LAMA4: variants seen among roughly 807,000 people sequenced by gnomAD.
The protein encoded by LAMA4 is laminin subunit alpha-4.
In LAMA4, 127 loss-of-function variants were observed where a neutral mutation model predicts 207.1. That is an observed-to-expected ratio of 0.61 (90% confidence interval 0.53 to 0.71). The LOEUF (loss-of-function observed/expected upper bound fraction) is 0.71. Among genes scored for constraint, LAMA4 ranks in the 30% least tolerant of loss-of-function variants. LAMA4 has a pLI of 0.00. For synonymous variants in LAMA4, 761 were observed against 816.0 expected, an observed-to-expected ratio of 0.93 and a Z score of 1.15; for missense variants, 2,093 against 2,246.5, an observed-to-expected ratio of 0.93 and a Z score of 1.38.
At chr6:112,237,370 G>A (rs1786008044) in intron 2 of LAMA4, among the ~76,000 whole-genome samples, 2 of 152,204 alleles carry the variant, frequency 1.3e-5, no homozygotes, top group Non-Finnish European at 2.9e-5. Flanking sequence ...AAGATTTTGA[G>A]TAACATTTTG....
At chr6:112,156,323 A>C (rs1274448458) in intron 14 of LAMA4, among the ~76,000 whole-genome samples, 1 of 152,116 alleles carries the variant, frequency 6.6e-6, no homozygotes, top group Non-Finnish European at 1.5e-5. Context: ...AGTACCCATC[A>C]CACAGGGTAC....
intron 25 of LAMA4, among the ~76,000 whole-genome samples, chr6:112,135,451 A>G (rs1204198194): frequency 2.6e-5 from 4 of 152,204 alleles, no homozygotes; most frequent in African/African-American, 9.7e-5. Flanking sequence ...ATTGTAAACC[A>G]TTCTCATGAG....
At chr6:112,165,360 C>T in intron 12 of LAMA4, 84 bp from the exon 13 acceptor site, 1 of 900,752 alleles carries the variant, frequency 1.1e-6, no homozygotes, top group South Asian at 1.3e-5. Context: ...TCAACTTGCT[C>T]TCTTTGGACT....
chr6:112,121,891 GATAAC>G, intron 32 of LAMA4, 118 bp downstream of exon 32: 2 of 815,252 alleles, frequency 2.5e-6, no homozygotes, highest in East Asian at 2.5e-5. Context: ...TTATTTTGGT[GATAAC>G]ATAATAGGAT....
At chr6:112,169,122 A>C (rs1489295009) in intron 12 of LAMA4, among the ~76,000 whole-genome samples, 1 of 152,174 alleles carries the variant, frequency 6.6e-6, no homozygotes, top group Admixed American at 6.5e-5. Flanking sequence ...GGTTGGTTAC[A>C]TAGTTTCTAT....
At chr6:112,184,706 T>C (rs1464895249) in intron 9 of LAMA4, among the ~76,000 whole-genome samples, 1 of 152,202 alleles carries the variant, frequency 6.6e-6, no homozygotes, top group Non-Finnish European at 1.5e-5. Context: ...CTTGTGGATT[T>C]GAGATTTATA....
Position 112,146,268 on chromosome 6 carries a change from C to T in LAMA4, c.2354-1335G>A, listed in dbSNP as rs915329790. Among the ~76,000 whole-genome samples the T allele has an allele frequency of 1.3e-4, 19 of 150,796 alleles. No individual in the cohort carries two copies. In the South Asian group the frequency reaches 1.9e-3, roughly 15 times the overall value. On this transcript the variant is annotated intron_variant, in intron 18 of 38. Coordinates refer to ENST00000230538, the MANE Select transcript of LAMA4 (RefSeq NM_001105206.3). ...TCGCACCACTGCACTCCAGCCGGGG[C>T]GACAGAGCGAGACTATGTCTCAAAA...
intron 10 of LAMA4, 37 bp downstream of exon 10, chr6:112,178,084 C>T (rs1554344352): frequency 7.1e-7 from 1 of 1,408,304 alleles, no homozygotes; most frequent in South Asian, 1.1e-5. Flanking sequence ...TAAGTGTTTC[C>T]TTGATATTAA....
chr6:112,195,980 A>ATATGT lies in LAMA4; in HGVS notation c.504-4131_504-4130insACATA, dbSNP rs1554350372. On this transcript the variant is annotated intron_variant, in intron 5 of 38. Transcript: ENST00000230538. The stretch of plus-strand genomic sequence containing the variant: ...ACACACACACACTACACACACTGCT[A>ATATGT]TATATATTTGGGGGCAGGTGAAGCT... Among the ~76,000 whole-genome samples, 1,440 of 151,310 alleles carry ATATGT rather than the reference A, an allele frequency of 9.5e-3. 28 individuals are homozygous for ATATGT. Among genetic ancestry groups the ATATGT allele is most frequent in the African/African-American group, 0.033 (1,373 of 41,226 alleles).
At chr6:112,129,839 C>T in intron 30 of LAMA4, 37 bp downstream of exon 30, 1 of 1,433,804 alleles carries the variant, frequency 7.0e-7, no homozygotes. Context: ...TTTTATTTAT[C>T]AATCATGCAG....
At chr6:112,203,817 A>G (rs1388329281) in intron 4 of LAMA4, among the ~76,000 whole-genome samples, 5 of 152,180 alleles carry the variant, frequency 3.3e-5, no homozygotes, top group African/African-American at 1.2e-4. Context: ...TAGGTTTTTC[A>G]ACCTCGAATC....
At chr6:112,199,992 T>C (rs1583870844) in intron 5 of LAMA4, 1 of 450,488 alleles carries the variant, frequency 2.2e-6, no homozygotes, top group East Asian at 6.9e-5. Flanking sequence ...TTTAGCTGCC[T>C]AAACACAATG....
In LAMA4 at chr6:112,172,606, T is replaced by C. The variant is rs1554342189; in HGVS notation, c.1551+5A>G. 1 of 1,612,456 alleles carries C rather than the reference T, an allele frequency of 6.2e-7. No individual in the cohort carries two copies. Among genetic ancestry groups the C allele is most frequent in the African/African-American group, 1.3e-5 (1 of 75,016 alleles). On this transcript the variant is annotated splice_donor_5th_base_variant and intron_variant, in intron 12 of 38. Transcript: ENST00000230538. The stretch of plus-strand genomic sequence containing the variant: ...AAATGCATTGATGGTGAGTGTCCGC[T>C]GTACCTCATGGTCCCGCTGCCTGGC...
chr6:112,211,041 T>C (rs1023769917), intron 3 of LAMA4, among the ~76,000 whole-genome samples: 1 of 152,104 alleles, frequency 6.6e-6, no homozygotes, highest in African/African-American at 2.4e-5. Context: ...TGCAAACTGC[T>C]CTCTGTGTAG....
intron 2 of LAMA4, among the ~76,000 whole-genome samples, chr6:112,224,478 T>C (rs1025267790): frequency 7.2e-5 from 11 of 152,188 alleles, no homozygotes; most frequent in African/African-American, 2.7e-4. Context: ...TCTGCTTCCA[T>C]TGCACACTGA....
At chr6:112,128,341 G>A (rs1554328300) in intron 31 of LAMA4, among the ~76,000 whole-genome samples, 2 of 152,098 alleles carry the variant, frequency 1.3e-5, no homozygotes, top group African/African-American at 4.8e-5. Context: ...GGCACAGAAA[G>A]ACAAATACTG....
chr6:112,188,347 C>G (rs1200347810), intron 7 of LAMA4, among the ~76,000 whole-genome samples: 23 of 152,150 alleles, frequency 1.5e-4, no homozygotes, highest in Admixed American at 1.5e-3. Flanking sequence ...TGCTTAGGAC[C>G]AGGCAGGCAT....
intron 13 of LAMA4, among the ~76,000 whole-genome samples, chr6:112,159,855 A>G (rs1780947878): frequency 6.6e-6 from 1 of 152,152 alleles, no homozygotes; most frequent in African/African-American, 2.4e-5. Context: ...ATAACTCTAT[A>G]GGCTCTGCTC....
chr6:112,215,339 G>C (rs776305029), intron 3 of LAMA4, among the ~76,000 whole-genome samples: 5 of 152,182 alleles, frequency 3.3e-5, no homozygotes, highest in Non-Finnish European at 5.9e-5. Context: ...GCAACTTCTA[G>C]GGTTAAAGAT....
Sources: gnomAD v4.1 joint callset for allele counts (sites outside exome capture counted in the v4.1 genomes callset) on GRCh38, gnomAD v4.1.1 for gene constraint, MANE v1.5 for transcripts, NCBI Gene and HGNC (gene_info 2026-07-23, HGNC 2026-07-21) for gene names.